HCN1: variants seen among roughly 807,000 people sequenced by gnomAD.
HCN1 encodes the protein potassium/sodium hyperpolarization-activated cyclic nucleotide-gated channel 1.
Under a neutral mutation model 78.9 loss-of-function variants are expected in HCN1, and 13 were observed. That is an observed-to-expected ratio of 0.16 (90% CI 0.11 to 0.26). HCN1 has a LOEUF of 0.26. Ranked by LOEUF, HCN1 falls within the 10% of genes least tolerant of loss-of-function variation. The probability of loss-of-function intolerance (pLI) is 1.00; values close to 1 mark genes in which losing one functional copy is unlikely to be tolerated. For missense variants in HCN1, 810 were observed against 1,154.3 expected (o/e 0.70, Z 4.32); for synonymous variants, 552 against 455.5 (o/e 1.21, Z -2.70).
intron 2 of HCN1, among the ~76,000 whole-genome samples, chr5:45,591,326 G>GT (rs1333109437): frequency 1.3e-5 from 2 of 152,130 alleles, no homozygotes; most frequent in African/African-American, 4.8e-5. Context: ...AGAATGTTTA[G>GT]TTTTTTAAGG....
At position 45,262,511 on chromosome 5, in the gene HCN1, A is replaced by C. The variant is rs750463999; in HGVS notation, c.2083T>G (p.Ser695Ala). The stretch of plus-strand genomic sequence containing the variant: ...ACCGCGGTGGTGTAGGAGCAGGGTG[A>C]CAGGATGGCTGATGGCTGGGGGGTC... The part of the protein sequence containing the change: ...TQTPQPSAIL[S>A]PCSYTTAVCS... The change falls in exon 8 of 8, where the codon TCA becomes GCA. Residue 695 changes from serine to alanine, a missense_variant. Ser to Ala is a moderately conservative substitution (Grantham distance 99). Around this residue, in one of 6 missense-constraint regions of HCN1, gnomAD observed 398 missense variants for 381.3 expected, o/e 1.04. Coordinates refer to ENST00000303230, the MANE Select transcript of HCN1 (RefSeq NM_021072.4). 3.1e-5 allele frequency: 50 copies of C among 1,613,032 alleles called. No individual in the cohort carries two copies. In the East Asian group the frequency reaches 1.1e-3, roughly 35 times the overall value.
chr5:45,663,593 A>C lies in HCN1; in HGVS notation c.426-17985T>G, dbSNP rs1223868126. ...GGCTAATATCCAGAATCTACAATGA[A>C]CTCAAACAAATTTACAAGAAAAAAA... On this transcript the variant is annotated intron_variant, in intron 1 of 7. Transcript: ENST00000303230. Among the ~76,000 whole-genome samples the C allele has an allele frequency of 3.6e-5, 5 of 137,648 alleles. No homozygotes were observed. The East Asian group carries it at 1.1e-3, about 30-fold the overall frequency. 90.3% of individuals were successfully genotyped at this position (137,648 alleles called of 152,430 possible).
Position 45,303,596 on chromosome 5 carries a change from A to G in HCN1, c.1618+3T>C. The G allele has an allele frequency of 6.2e-7, 1 of 1,613,202 alleles. No homozygotes were observed. The highest frequency in any genetic ancestry group is 8.5e-7 in the Non-Finnish European group (1 of 1,179,518). On this transcript the variant is annotated splice_donor_region_variant and intron_variant, in intron 6 of 7. Coordinates refer to ENST00000303230, the MANE Select transcript of HCN1 (RefSeq NM_021072.4). ...TCATCTTAGTTGCATCTTTTTTACT[A>G]ACCTCCAAAGTAAGAGCCATCTGTC...
rs1579757294 is a variant in HCN1 at position 45,255,510 on chromosome 5, T to G, written c.*6411A>C. 2 of 152,198 alleles carry G rather than the reference T, an allele frequency of 1.3e-5. No individual in the cohort carries two copies. The highest frequency in any genetic ancestry group is 3.8e-4 in the East Asian group (2 of 5,200). 9.4% of individuals were successfully genotyped at this position (152,198 alleles called of 1,614,324 possible). On this transcript the variant is annotated 3_prime_UTR_variant, in exon 8 of 8. Transcript: ENST00000303230. ...TTATACTTCTGGGTGATACTGACGC[T>G]GCAGTTCCATGCACCACACTTTCCA...
At chr5:45,409,939 T>A (rs899638978) in intron 3 of HCN1, among the ~76,000 whole-genome samples, 2 of 151,742 alleles carry the variant, frequency 1.3e-5, no homozygotes, top group African/African-American at 4.8e-5. Flanking sequence ...AAACATTAAG[T>A]TACTTGCCCA....
chr5:45,499,705 G>C, intron 2 of HCN1, among the ~76,000 whole-genome samples: 1 of 152,118 alleles, frequency 6.6e-6, no homozygotes, highest in Non-Finnish European at 1.5e-5. Context: ...GGATAAAATA[G>C]CTTCACTGTC....
intron 6 of HCN1, among the ~76,000 whole-genome samples, chr5:45,299,131 T>G (rs1017795619): frequency 2.0e-5 from 3 of 151,964 alleles, no homozygotes; most frequent in African/African-American, 7.2e-5. Context: ...AAAGAAGACA[T>G]TACTACTGAA....
At chr5:45,633,345 A>G (rs1010732565) in intron 2 of HCN1, among the ~76,000 whole-genome samples, 3 of 151,914 alleles carry the variant, frequency 2.0e-5, no homozygotes. Context: ...TTAGTAAAGC[A>G]TGGTATGTAA....
At position 45,336,369 on chromosome 5, in the gene HCN1, T is replaced by C. The variant is rs16902113; in HGVS notation, c.1377+16731A>G. Reference sequence around the variant, plus strand: ...TCAGAAAACTGTAATGTTCCTTTACTATCTGACCCAAGTATTTTAGTGCAC... The same window carrying C: ...TCAGAAAACTGTAATGTTCCTTTACCATCTGACCCAAGTATTTTAGTGCAC... On this transcript the variant is annotated intron_variant, in intron 5 of 7. Coordinates refer to ENST00000303230, the MANE Select transcript of HCN1 (RefSeq NM_021072.4). 4.8e-3 allele frequency among the ~76,000 whole-genome samples: 737 copies of C among 152,252 alleles called. 3 individuals carry two copies. Among genetic ancestry groups the C allele is most frequent in the African/African-American group, 0.017 (705 of 41,558 alleles).
At chr5:45,478,479 C>T (rs1199214763) in intron 2 of HCN1, among the ~76,000 whole-genome samples, 1 of 152,106 alleles carries the variant, frequency 6.6e-6, no homozygotes, top group African/African-American at 2.4e-5. Flanking sequence ...AGGGTTTGAG[C>T]ACCTGCAATA....
chr5:45,314,867 T>A (rs992058491), intron 5 of HCN1, among the ~76,000 whole-genome samples: 5 of 152,126 alleles, frequency 3.3e-5, no homozygotes, highest in East Asian at 1.9e-4. Context: ...GAGCTAACTA[T>A]CCTAAATATA....
intron 5 of HCN1, among the ~76,000 whole-genome samples, chr5:45,337,028 GA>G (rs1746471553): frequency 6.6e-6 from 1 of 151,886 alleles, no homozygotes; most frequent in African/African-American, 2.4e-5. Context: ...CAATATAAAA[GA>G]AAAACCAACA....
chr5:45,570,034 G>A (rs113105116), intron 2 of HCN1, among the ~76,000 whole-genome samples: 20 of 152,124 alleles, frequency 1.3e-4, no homozygotes, highest in African/African-American at 4.3e-4. Flanking sequence ...GTAGGTATTT[G>A]CCAGATTATC....
intron 3 of HCN1, among the ~76,000 whole-genome samples, chr5:45,429,583 C>T (rs1740422644): frequency 6.6e-6 from 1 of 152,006 alleles, no homozygotes; most frequent in African/African-American, 2.4e-5. Context: ...GGGCTGTAAA[C>T]ATTTCTGGAA....
chr5:45,270,353 T>G (rs370770777), intron 6 of HCN1, among the ~76,000 whole-genome samples: 10 of 152,196 alleles, frequency 6.6e-5, no homozygotes, highest in African/African-American at 2.4e-4. Context: ...AACGGAATAT[T>G]TGGTAAATCG....
chr5:45,392,810 C>T (rs988119508), intron 4 of HCN1, among the ~76,000 whole-genome samples: 1 of 151,000 alleles, frequency 6.6e-6, no homozygotes, highest in Non-Finnish European at 1.5e-5. Context: ...AAAGCCATCA[C>T]ATAAACTCTT....
At chr5:45,318,783 A>T (rs1295432702) in intron 5 of HCN1, among the ~76,000 whole-genome samples, 1 of 151,914 alleles carries the variant, frequency 6.6e-6, no homozygotes, top group Non-Finnish European at 1.5e-5. Context: ...TTTTTTAAAA[A>T]ATATATATGC....
intron 2 of HCN1, among the ~76,000 whole-genome samples, chr5:45,578,976 G>A (rs1744002795): frequency 6.6e-6 from 1 of 151,928 alleles, no homozygotes; most frequent in Admixed American, 6.6e-5. Flanking sequence ...TTAATTTTGT[G>A]CAAATGTCAT....
intron 1 of HCN1, among the ~76,000 whole-genome samples, chr5:45,667,267 C>A (rs1403984920): frequency 1.3e-5 from 2 of 151,922 alleles, no homozygotes; most frequent in Admixed American, 6.6e-5. Context: ...ATTCTCTGGC[C>A]TACAATCTCT....
Sources: gnomAD v4.1 joint callset for allele counts (sites outside exome capture counted in the v4.1 genomes callset) on GRCh38, gnomAD v4.1.1 for gene constraint, gnomAD v4.1.1 regional missense constraint, MANE v1.5 for transcripts, NCBI Gene and HGNC (gene_info 2026-07-23, HGNC 2026-07-21) for gene names.